The following TLR9 variants were observed in gnomAD, a reference collection of about 807,000 sequenced individuals.
TLR9 encodes the protein toll-like receptor 9.
In TLR9, 19 loss-of-function variants were observed where a neutral mutation model predicts 24.6. That is an observed-to-expected ratio of 0.77 (90% CI 0.54 to 1.13). The LOEUF (loss-of-function observed/expected upper bound fraction) is 1.13, where lower values mean the gene tolerates loss of function less well. Ranked by LOEUF, TLR9 falls within the 50% of genes most tolerant of loss-of-function variation. The pLI is 0.00. For missense variants in TLR9, 1,065 were observed against 1,379.6 expected, an observed-to-expected ratio of 0.77 and a Z score of 3.61; for synonymous variants, 579 against 609.8, an observed-to-expected ratio of 0.95 and a Z score of 0.74.
Position 52,225,571 on chromosome 3 carries a change from C to A in TLR9, c.-42G>T. On this transcript the variant is annotated 5_prime_UTR_variant, in exon 1 of 2. Coordinates refer to ENST00000360658, the MANE Select transcript of TLR9 (RefSeq NM_017442.4). ...TTCTCCAGAGGGTCTGGCGGGCAGA[C>A]TGGACAGCAGCTACAGGGAAGGATG... The A allele has an allele frequency of 1.3e-6, 2 of 1,574,228 alleles. No individual in the cohort carries two copies. Among genetic ancestry groups the A allele is most frequent in the Non-Finnish European group, 1.7e-6 (2 of 1,166,156 alleles).
At chr3:52,225,480 T>G (rs1289719727) in intron 1 of TLR9, 47 bp downstream of exon 1, 2 of 1,604,714 alleles carry the variant, frequency 1.2e-6, no homozygotes, top group South Asian at 2.2e-5. Flanking sequence ...TCCCCACCCC[T>G]TCCCAGGATA....
chr3:52,223,101 C>T lies in TLR9; in HGVS notation c.1215G>A (p.Gln405=). 1.2e-6 allele frequency: 2 copies of T among 1,613,462 alleles called. No individual in the cohort carries two copies. The highest frequency in any genetic ancestry group is 1.6e-4 in the Middle Eastern group (1 of 6,062). The change falls in exon 2 of 2, where the codon CAG becomes CAA. Residue 405 remains glutamine (Q), a synonymous_variant. Coordinates refer to ENST00000360658, the MANE Select transcript of TLR9 (RefSeq NM_017442.4). The part of the protein sequence containing the change: ...TLRLQMNFIN[Q]AQLGIFRAFP... The stretch of plus-strand genomic sequence containing the variant: ...AGGCCCTGAAGATGCCGAGCTGGGC[C>T]TGGTTGATGAAGTTCATCTGCAGAC...
Position 52,223,604 on chromosome 3 carries a change from C to A in TLR9, c.712G>T (p.Glu238Ter). The change falls in exon 2 of 2, where the codon GAG (glutamate) becomes TAG (stop). Residue 238 changes from glutamate (E) to a stop codon, truncating the protein, a stop_gained. Coordinates refer to ENST00000360658, the MANE Select transcript of TLR9 (RefSeq NM_017442.4). LOFTEE classifies it low-confidence loss of function (END_TRUNC). ...SYNRIVKLAP[E>*]DLANLTALRV... Reference sequence around the variant, plus strand: ...AGGGCGGTCAGATTGGCCAGGTCCTCAGGCGCCAGTTTGACGATGCGGTTG... The same window carrying A: ...AGGGCGGTCAGATTGGCCAGGTCCTAAGGCGCCAGTTTGACGATGCGGTTG... The A allele has an allele frequency of 6.5e-7, 1 of 1,545,130 alleles. No individual in the cohort carries two copies. Among genetic ancestry groups the A allele is most frequent in the Non-Finnish European group, 8.7e-7 (1 of 1,146,602 alleles).
At position 52,222,400 on chromosome 3, in the gene TLR9, C is replaced by A; in HGVS notation, c.1916G>T (p.Arg639Leu). The A allele has an allele frequency of 6.2e-7, 1 of 1,614,176 alleles. No homozygotes were observed. Among genetic ancestry groups the A allele is most frequent in the South Asian group, 1.1e-5 (1 of 91,078 alleles). The change falls in exon 2 of 2, where the codon CGC (arginine) becomes CTC (leucine). Residue 639 changes from arginine (R) to leucine (L), a missense_variant. Physicochemically the swap from Arg to Leu is moderately radical, Grantham distance 102 (BLOSUM62 -2). Transcript: ENST00000360658. ...GLIWLDLSQN[R>L]LHTLLPQTLR... ...GGTTTGGGGCAGGAGGGTGTGCAGG[C>A]GGTTCTGGGACAAGTCCAGCCAGAT...
At position 52,221,505 on chromosome 3, in the gene TLR9, C is replaced by T. The variant is rs199821655; in HGVS notation, c.2811G>A (p.Leu937=). The T allele has an allele frequency of 6.2e-7, 1 of 1,613,094 alleles. No homozygotes were observed. Among genetic ancestry groups the T allele is most frequent in the Admixed American group, 1.7e-5 (1 of 60,026 alleles). ...GACCACTGACCCGGTCCGTGTGGGCCAGCACAAACAGCGTCTTGCGGCTGC... is the reference window on the plus strand; with the variant it reads ...GACCACTGACCCGGTCCGTGTGGGCTAGCACAAACAGCGTCTTGCGGCTGC... ...VYGSRKTLFV[L]AHTDRVSGLL... is the part of the protein sequence containing the mutation. Residue 937 remains leucine, a synonymous_variant, in exon 2 of 2, where the codon CTG becomes CTA. Transcript: ENST00000360658. This position sits in a 1 kb window ranked among gnomAD's most constrained non-coding sequence, Gnocchi z 9.9.
rs1257387558 is a variant in TLR9, at chr3:52,224,155, G to T, written c.161C>A (p.Pro54His). The T allele has an allele frequency of 6.3e-7, 1 of 1,594,604 alleles. No homozygotes were observed. The highest frequency in any genetic ancestry group is 1.7e-5 in the Admixed American group (1 of 58,824). The stretch of plus-strand genomic sequence containing the variant: ...ACGGGGTGCTGCCATGGAGAAGTGG[G>T]GCACAGACTTCAGGAACAGCCAGTT... ...NCNWLFLKSVPHFSMAAPRGN... is the reference protein window; with the variant it reads ...NCNWLFLKSVHHFSMAAPRGN... The change falls in exon 2 of 2, where the codon CCC becomes CAC. Residue 54 changes from proline (P) to histidine (H), a missense_variant. By Grantham distance (77) the Pro-to-His change is moderately conservative (BLOSUM62 -2). Transcript: ENST00000360658.
In TLR9 at chr3:52,223,450, A is replaced by G. The variant is rs759791507; in HGVS notation, c.866T>C (p.Leu289Pro). The G allele has an allele frequency of 1.9e-6, 3 of 1,594,506 alleles. No homozygotes were observed. The South Asian group carries it at 3.4e-5, about 18-fold the overall frequency. Residue 289 changes from leucine to proline, a missense_variant, in exon 2 of 2, where the codon CTG becomes CCG. Coordinates refer to ENST00000360658, the MANE Select transcript of TLR9 (RefSeq NM_017442.4). ...TFSHLSRLEG[L>P]VLKDSSLSWL... ...GGAGAGAGAACTGTCCTTCAACACC[A>G]GGCCTTCAAGACGGCTCAGGTGGCT...
chr3:52,223,466 T>C lies in TLR9; in HGVS notation c.850A>G (p.Ser284Gly). The C allele has an allele frequency of 1.3e-6, 2 of 1,580,262 alleles. No homozygotes were observed. The highest frequency in any genetic ancestry group is 2.3e-5 in the South Asian group (2 of 85,822). ...QLHPDTFSHL[S>G]RLEGLVLKDS... ...TTCAACACCAGGCCTTCAAGACGGC[T>C]CAGGTGGCTGAAGGTATCGGGATGT... The change falls in exon 2 of 2, where the codon AGC (serine) becomes GGC (glycine). Residue 284 changes from serine (S) to glycine (G), a missense_variant. By Grantham distance (56) the Ser-to-Gly change is moderately conservative. Coordinates refer to ENST00000360658, the MANE Select transcript of TLR9 (RefSeq NM_017442.4).
At chr3:52,225,319 G>A (rs1699609542) in intron 1 of TLR9, among the ~76,000 whole-genome samples, 1 of 151,488 alleles carries the variant, frequency 6.6e-6, no homozygotes, top group Non-Finnish European at 1.5e-5. Context: ...CTCCAGCCTG[G>A]GCAACAAGAG....
intron 1 of TLR9, 28 bp downstream of exon 1, chr3:52,225,499 C>T (rs1161252299): frequency 2.5e-6 from 4 of 1,596,632 alleles, no homozygotes; most frequent in Non-Finnish European, 2.6e-6. Flanking sequence ...TATCCCCTTC[C>T]CCAGGGGACT....
rs749912438 is a variant in TLR9, at chr3:52,221,741, G to A, written c.2575C>T (p.Arg859Trp). 1.2e-5 allele frequency: 19 copies of A among 1,613,766 alleles called. No homozygotes were observed. The highest frequency in any genetic ancestry group is 4.5e-5 in the East Asian group (2 of 44,894). Reference protein sequence around the residue: ...LCLAWLPWRGRQSGRDEDALP... With the variant: ...LCLAWLPWRGWQSGRDEDALP... ...GCATCCTCATCTCGCCCACTTTGCC[G>A]CCCCCGCCAGGGAAGCCAGGCCAGG... The change falls in exon 2 of 2, where the codon CGG becomes TGG. Residue 859 changes from arginine (R) to tryptophan (W), a missense_variant. Physicochemically the swap from Arg to Trp is moderately radical, Grantham distance 101 (BLOSUM62 -3). Coordinates refer to ENST00000360658, the MANE Select transcript of TLR9 (RefSeq NM_017442.4). This position sits in a 1 kb window ranked among gnomAD's most constrained non-coding sequence, Gnocchi z 9.9.
intron 1 of TLR9, 111 bp downstream of exon 1, chr3:52,225,416 G>A: frequency 7.2e-7 from 1 of 1,391,598 alleles, no homozygotes. Flanking sequence ...TGTCCCCAGG[G>A]CCATGTGGGT....
chr3:52,221,628 C>G lies in TLR9; in HGVS notation c.2688G>C (p.Glu896Asp). The G allele has an allele frequency of 6.2e-7, 1 of 1,613,784 alleles. No homozygotes were observed. The highest frequency in any genetic ancestry group is 1.7e-5 in the Admixed American group (1 of 60,028). The stretch of plus-strand genomic sequence containing the variant: ...GGAGTGCCCAGCGCCCACGGCACTC[C>G]TCCAGCTGCCCCCGAAGCTCGTTGT... ...WVYNELRGQL[E>D]ECRGRWALRL... is the part of the protein sequence containing the mutation. Residue 896 changes from glutamate to aspartate, a missense_variant, in exon 2 of 2, where the codon GAG becomes GAC. Physicochemically the swap from Glu to Asp is conservative, Grantham distance 45. Transcript: ENST00000360658. The surrounding 1 kb of genome is among the most constrained non-coding windows in gnomAD (Gnocchi z 9.9).
At position 52,221,500 on chromosome 3, in the gene TLR9, T is replaced by C; in HGVS notation, c.2816A>G (p.His939Arg). 6.2e-7 allele frequency: 1 copy of C among 1,613,020 alleles called. No homozygotes were observed. The highest frequency in any genetic ancestry group is 8.5e-7 in the Non-Finnish European group (1 of 1,179,792). Residue 939 changes from histidine to arginine, a missense_variant, in exon 2 of 2, where the codon CAC (histidine) becomes CGC (arginine). By Grantham distance (29) the His-to-Arg change is conservative (BLOSUM62 0). Coordinates refer to ENST00000360658, the MANE Select transcript of TLR9 (RefSeq NM_017442.4). This position sits in a 1 kb window ranked among gnomAD's most constrained non-coding sequence, Gnocchi z 9.9. ...GSRKTLFVLA[H>R]TDRVSGLLRA... ...CAAGAGACCACTGACCCGGTCCGTG[T>C]GGGCCAGCACAAACAGCGTCTTGCG... is the stretch of plus-strand genomic sequence containing the variant.
rs1186029342 is a variant in TLR9, at chr3:52,222,009, G to T, written c.2307C>A (p.Ala769=). The change falls in exon 2 of 2, where the codon GCC becomes GCA. Residue 769 remains alanine (A), a synonymous_variant. Coordinates refer to ENST00000360658, the MANE Select transcript of TLR9 (RefSeq NM_017442.4). ...ANPLHCACGA[A]FMDFLLEVQA... is the part of the protein sequence containing the mutation. Reference sequence around the variant, plus strand: ...GCACCTCCAGCAGGAAGTCCATAAAGGCCGCCCCACAGGCGCAGTGCAGAG... The same window carrying T: ...GCACCTCCAGCAGGAAGTCCATAAATGCCGCCCCACAGGCGCAGTGCAGAG... 1 of 1,609,056 alleles carries T rather than the reference G, an allele frequency of 6.2e-7. No homozygotes were observed. Among genetic ancestry groups the T allele is most frequent in the African/African-American group, 1.3e-5 (1 of 74,830 alleles).
At chr3:52,224,364 C>T (rs1345410483) in intron 1 of TLR9, 52 bp from the exon 2 acceptor site, 2 of 1,381,000 alleles carry the variant, frequency 1.4e-6, no homozygotes, top group Non-Finnish European at 2.0e-6. Context: ...TCTACCTCCA[C>T]CCACTCCACT....
chr3:52,221,370 C>A lies in TLR9; in HGVS notation c.2946G>T (p.Arg982=). The A allele has an allele frequency of 6.3e-7, 1 of 1,585,908 alleles. No individual in the cohort carries two copies. Among genetic ancestry groups the A allele is most frequent in the Non-Finnish European group, 8.6e-7 (1 of 1,163,838 alleles). ...TCTGGCGGCAGAGGCGCTGGCGCAGCCGCACGTAGCGGGAGCGGCGGCCGT... is the reference window on the plus strand; with the variant it reads ...TCTGGCGGCAGAGGCGCTGGCGCAGACGCACGTAGCGGGAGCGGCGGCCGT... ...SPDGRRSRYV[R]LRQRLCRQSV... The change falls in exon 2 of 2, where the codon CGG becomes CGT. Residue 982 remains arginine, a synonymous_variant. Coordinates refer to ENST00000360658, the MANE Select transcript of TLR9 (RefSeq NM_017442.4). This position sits in a 1 kb window ranked among gnomAD's most constrained non-coding sequence, Gnocchi z 9.9.
chr3:52,223,172 T>C lies in TLR9; in HGVS notation c.1144A>G (p.Thr382Ala). 1.9e-6 allele frequency: 3 copies of C among 1,613,748 alleles called. No individual in the cohort carries two copies. The highest frequency in any genetic ancestry group is 1.7e-6 in the Non-Finnish European group (2 of 1,179,806). The part of the protein sequence containing the change: ...HGIFFRSLDE[T>A]TLRPLARLPM... ...AGGCGGGCCAGTGGCCGGAGCGTGGTCTCATCGAGTGAGCGGAAGAAGATG... is the reference window on the plus strand; with the variant it reads ...AGGCGGGCCAGTGGCCGGAGCGTGGCCTCATCGAGTGAGCGGAAGAAGATG... The change falls in exon 2 of 2, where the codon ACC becomes GCC. Residue 382 changes from threonine to alanine, a missense_variant. Transcript: ENST00000360658.
At position 52,223,881 on chromosome 3, in the gene TLR9, G is replaced by GA; in HGVS notation, c.434dup (p.Ile146HisfsTer93). On this transcript the variant is annotated frameshift_variant, in exon 2 of 2. Transcript: ENST00000360658. LOFTEE classifies it low-confidence loss of function (END_TRUNC). ...TGGTATGGCTGAGGGACAGGGATATGAGGGATTTGGGCAGCGCAGGCACAG... is the reference window on the plus strand; with the variant it reads ...TGGTATGGCTGAGGGACAGGGATATGAAGGGATTTGGGCAGCGCAGGCACAG... 6.2e-7 allele frequency: 1 copy of GA among 1,611,754 alleles called. No individual in the cohort carries two copies. The highest frequency in any genetic ancestry group is 1.3e-5 in the African/African-American group (1 of 75,012).
Sources: allele counts gnomAD v4.1 joint callset (sites outside exome capture counted in the v4.1 genomes callset), GRCh38; gene constraint gnomAD v4.1.1; non-coding constraint Gnocchi (gnomAD v3.1); transcripts MANE v1.5; gene names NCBI Gene and HGNC (gene_info 2026-07-23, HGNC 2026-07-21).